NDST4: variants seen among roughly 807,000 people sequenced by gnomAD.
The protein encoded by NDST4 is N-heparan sulfate sulfotransferase 4.
A neutral mutation model predicts 100.8 loss-of-function variants in NDST4; 63 were observed. The observed-to-expected ratio is 0.62, with a 90% confidence interval of 0.51 to 0.77. NDST4 has a LOEUF of 0.77. Among genes scored for constraint, NDST4 ranks in the 30% least tolerant of loss-of-function variants. The pLI is 0.00. For synonymous variants in NDST4, 377 were observed against 361.8 expected (o/e 1.04, Z -0.48); for missense variants, 943 against 1,018.4 (o/e 0.93, Z 1.01).
chr4:114,988,139 T>C (rs916718164), intron 2 of NDST4, among the ~76,000 whole-genome samples: 1 of 151,988 alleles, frequency 6.6e-6, no homozygotes, highest in African/African-American at 2.4e-5. Flanking sequence ...GAATTAACAA[T>C]TATAATTTTG....
chr4:115,095,756 G>A (rs994793650), intron 1 of NDST4, among the ~76,000 whole-genome samples: 1 of 151,974 alleles, frequency 6.6e-6, no homozygotes, highest in Non-Finnish European at 1.5e-5. Context: ...ACACTATAGA[G>A]GTTTTATGCA....
intron 10 of NDST4, 68 bp downstream of exon 10, chr4:114,845,755 G>A: frequency 2.8e-6 from 4 of 1,418,042 alleles, no homozygotes; most frequent in Non-Finnish European, 9.7e-7. Context: ...TTCTATTCTG[G>A]TTATTTTTCA....
At chr4:114,969,005 T>C (rs1726444475) in intron 4 of NDST4, among the ~76,000 whole-genome samples, 1 of 152,210 alleles carries the variant, frequency 6.6e-6, no homozygotes, top group Non-Finnish European at 1.5e-5. Flanking sequence ...CACTAAAATA[T>C]GAGAGCCACT....
chr4:114,867,198 T>C (rs9994258), intron 7 of NDST4, among the ~76,000 whole-genome samples: 24,770 of 152,082 alleles, frequency 0.16, 3,248 homozygotes, highest in African/African-American at 0.37. Flanking sequence ...TCTGTGTCAG[T>C]ATTCCTTCAT....
At chr4:114,976,409 A>G (rs1462026695) in intron 3 of NDST4, among the ~76,000 whole-genome samples, 2 of 152,026 alleles carry the variant, frequency 1.3e-5, no homozygotes, top group Non-Finnish European at 2.9e-5. Flanking sequence ...GTCAAAGACA[A>G]TCAATTTTAT....
chr4:114,902,632 T>C (rs1724869266), intron 6 of NDST4, among the ~76,000 whole-genome samples: 1 of 152,082 alleles, frequency 6.6e-6, no homozygotes, highest in Admixed American at 6.6e-5. Flanking sequence ...GGAAATTATC[T>C]GTCATAATTG....
At chr4:114,987,367 T>A (rs1726936960) in intron 2 of NDST4, among the ~76,000 whole-genome samples, 1 of 152,166 alleles carries the variant, frequency 6.6e-6, no homozygotes, top group Non-Finnish European at 1.5e-5. Flanking sequence ...TCCTGGCTTT[T>A]GTGTTGGAAG....
intron 7 of NDST4, among the ~76,000 whole-genome samples, chr4:114,867,665 C>CAAAAAAAAAAAAAAAAAAAAAAAAGAA: frequency 1.0e-4 from 8 of 79,898 alleles, no homozygotes; most frequent in African/African-American, 2.5e-4. Context: ...AAAAAAAAAG[C>CAAAAAAAAAAAAAAAAAAAAAAAAGAA]AAAAAAAAAA....
At chr4:114,844,075 C>T (rs905022588) in intron 10 of NDST4, among the ~76,000 whole-genome samples, 1 of 150,004 alleles carries the variant, frequency 6.7e-6, no homozygotes, top group African/African-American at 2.4e-5. Flanking sequence ...TTGTTTCATC[C>T]TTGACACTAT....
At chr4:114,860,610 G>A (rs1015642636) in intron 7 of NDST4, among the ~76,000 whole-genome samples, 5 of 152,284 alleles carry the variant, frequency 3.3e-5, no homozygotes, top group African/African-American at 1.2e-4. Context: ...ATTGAAGAGC[G>A]TATCAGTCTG....
At chr4:115,049,398 C>G (rs531887539) in intron 2 of NDST4, among the ~76,000 whole-genome samples, 1 of 152,146 alleles carries the variant, frequency 6.6e-6, no homozygotes, top group East Asian at 1.9e-4. Flanking sequence ...TAGCTTAAAA[C>G]TATGCCCTTG....
intron 4 of NDST4, among the ~76,000 whole-genome samples, chr4:114,947,240 C>T (rs1203921110): frequency 6.6e-6 from 1 of 152,010 alleles, no homozygotes; most frequent in Non-Finnish European, 1.5e-5. Context: ...TTGGATTTAA[C>T]CAGGGTTGAG....
intron 2 of NDST4, among the ~76,000 whole-genome samples, chr4:114,981,076 G>T (rs1322708889): frequency 2.6e-5 from 4 of 152,088 alleles, no homozygotes; most frequent in Non-Finnish European, 5.9e-5. Context: ...AGCCTGGCAT[G>T]GTGGGGTGTG....
intron 2 of NDST4, among the ~76,000 whole-genome samples, chr4:114,997,918 G>A (rs755896911): frequency 2.6e-5 from 4 of 151,892 alleles, no homozygotes; most frequent in Non-Finnish European, 5.9e-5. Context: ...TTTTTGAAGA[G>A]GATTAAAGGA....
intron 6 of NDST4, among the ~76,000 whole-genome samples, chr4:114,888,475 C>A (rs974951071): frequency 6.6e-6 from 1 of 152,134 alleles, no homozygotes; most frequent in Non-Finnish European, 1.5e-5. Flanking sequence ...CGCTAGCACT[C>A]CCAAAGTAGC....
chr4:114,871,254 A>G (rs534642329), intron 6 of NDST4, among the ~76,000 whole-genome samples: 7 of 152,270 alleles, frequency 4.6e-5, no homozygotes, highest in African/African-American at 1.7e-4. Flanking sequence ...TAACTTTCAG[A>G]CTAGTGAAGA....
chr4:114,935,304 T>C lies in NDST4; in HGVS notation c.1438A>G (p.Thr480Ala). The change falls in exon 6 of 14, where the codon ACT becomes GCT. Residue 480 changes from threonine to alanine, a missense_variant. By Grantham distance (58) the Thr-to-Ala change is moderately conservative. This residue lies in a region of NDST4 where 526 missense variants were observed against 634.1 expected (regional missense o/e 0.83). Transcript: ENST00000264363. ...TATTCTTTGTAGAAAATAGTGTGAG[T>C]GAACAACCCACAAGTCTGTCGAGGG... is the stretch of plus-strand genomic sequence containing the variant. ...VLPRQTCGLF[T>A]HTIFYKEYPG... The C allele has an allele frequency of 6.2e-7, 1 of 1,609,792 alleles. No individual in the cohort carries two copies. The highest frequency in any genetic ancestry group is 8.5e-7 in the Non-Finnish European group (1 of 1,178,090).
chr4:114,986,832 A>ATATGTATATT, intron 2 of NDST4, among the ~76,000 whole-genome samples: 1 of 94,664 alleles, frequency 1.1e-5, no homozygotes. Context: ...ATATATATAT[A>ATATGTATATT]TTTTAATATA....
At chr4:115,109,053 AAGGAAGGG>A (rs1194063313) in intron 1 of NDST4, among the ~76,000 whole-genome samples, 1 of 151,482 alleles carries the variant, frequency 6.6e-6, no homozygotes, top group Non-Finnish European at 1.5e-5. Context: ...GGAAGGAAGA[AAGGAAGGG>A]AGGAAGGAAG....
Sources: gnomAD v4.1 joint callset for allele counts (sites outside exome capture counted in the v4.1 genomes callset) on GRCh38, gnomAD v4.1.1 for gene constraint, gnomAD v4.1.1 regional missense constraint, MANE v1.5 for transcripts, NCBI Gene and HGNC (gene_info 2026-07-23, HGNC 2026-07-21) for gene names.